Variants in PDE1C observed in about 807,000 individuals in gnomAD.
PDE1C encodes the protein phosphodiesterase 1C.
In PDE1C, 62 loss-of-function variants were observed where a neutral mutation model predicts 93.1. That is an observed-to-expected ratio of 0.67 (90% CI 0.54 to 0.82). PDE1C has a LOEUF of 0.82. Among genes scored for constraint, PDE1C ranks in the 40% least tolerant of loss-of-function variants. The pLI is 0.00. For synonymous variants in PDE1C, 325 were observed against 310.1 expected (o/e 1.05, Z -0.50); for missense variants, 742 against 884.6 (o/e 0.84, Z 2.04).
At chr7:31,942,055 TA>T (rs1193106032) in intron 2 of PDE1C, among the ~76,000 whole-genome samples, 1 of 152,154 alleles carries the variant, frequency 6.6e-6, no homozygotes, top group African/African-American at 2.4e-5. Flanking sequence ...CTCACATGAA[TA>T]TATGGAGGAA....
chr7:32,327,878 G>A (rs1454244509), intron 1 of PDE1C, among the ~76,000 whole-genome samples: 1 of 150,988 alleles, frequency 6.6e-6, no homozygotes, highest in South Asian at 2.1e-4. Context: ...TTTGCACATA[G>A]ACATAGTTCC....
chr7:31,681,599 C>T, the PDE1C span, among the ~76,000 whole-genome samples: 1 of 152,140 alleles, frequency 6.6e-6, no homozygotes, highest in Non-Finnish European at 1.5e-5. Context: ...TGTGATTTTT[C>T]TGCGTCTGTC....
At chr7:32,366,844 G>A (rs1277261551) in intron 1 of PDE1C, among the ~76,000 whole-genome samples, 1 of 142,260 alleles carries the variant, frequency 7.0e-6, no homozygotes, top group East Asian at 2.1e-4. Flanking sequence ...CTAACATGGT[G>A]AAACCCCGTC....
chr7:32,381,293 T>C (rs952752762), intron 1 of PDE1C, among the ~76,000 whole-genome samples: 1 of 151,930 alleles, frequency 6.6e-6, no homozygotes, highest in Non-Finnish European at 1.5e-5. Flanking sequence ...CCCGTTTCCC[T>C]TACCTGAAAT....
chr7:32,157,503 A>G (rs1801649176), intron 3 of PDE1C, among the ~76,000 whole-genome samples: 1 of 150,414 alleles, frequency 6.6e-6, no homozygotes, highest in Non-Finnish European at 1.5e-5. Flanking sequence ...AACCTAAAGA[A>G]CCATGACAAC....
upstream of PDE1C, among the ~76,000 whole-genome samples, chr7:32,302,892 G>A (rs772267649): frequency 1.3e-5 from 2 of 152,050 alleles, no homozygotes; most frequent in Non-Finnish European, 2.9e-5. Flanking sequence ...GGCCCAAGTT[G>A]CCCCAATAAG....
the PDE1C span, among the ~76,000 whole-genome samples, chr7:31,621,916 C>A: frequency 2.0e-5 from 3 of 151,110 alleles, no homozygotes; most frequent in South Asian, 2.1e-4. Context: ...GAAGATCTAC[C>A]AAGCCAATGG....
At position 31,775,658 on chromosome 7, in the gene PDE1C, A is replaced by G. The variant is rs1326196547; in HGVS notation, c.1960+6T>C. ...CTAAGATAATGGTGCAATGCTGTTT[A>G]CCCACCTGGCAACGTAAGGCGACAC... On this transcript the variant is annotated splice_donor_region_variant and intron_variant, in intron 17 of 17. Transcript: ENST00000396191. 3.7e-6 allele frequency: 6 copies of G among 1,611,616 alleles called. No homozygotes were observed. The highest frequency in any genetic ancestry group is 5.1e-6 in the Non-Finnish European group (6 of 1,178,960).
In PDE1C at chr7:32,180,017, G is replaced by A. The variant is rs145444238; in HGVS notation, c.137-10061C>T. On this transcript the variant is annotated intron_variant, in intron 2 of 18. Coordinates refer to the PDE1C transcript ENST00000396193. ...AATAAAACTCCTAAAATTCTCAGTG[G>A]GTAGGAAATTTGGGGCTGGGATACA... 9.9e-5 allele frequency among the ~76,000 whole-genome samples: 15 copies of A among 152,178 alleles called. 1 individual carries two copies. Among genetic ancestry groups the A allele is most frequent in the South Asian group, 2.1e-4 (1 of 4,812 alleles).
At chr7:32,155,361 T>A (rs1488140220) in intron 3 of PDE1C, among the ~76,000 whole-genome samples, 1 of 152,248 alleles carries the variant, frequency 6.6e-6, no homozygotes, top group Non-Finnish European at 1.5e-5. Flanking sequence ...TTCAACGGCT[T>A]AACACATAGA....
At chr7:31,631,650 C>T in the PDE1C span, among the ~76,000 whole-genome samples, 5 of 152,108 alleles carry the variant, frequency 3.3e-5, no homozygotes, top group Admixed American at 2.0e-4. Context: ...AAAGGGACTG[C>T]TAGACCTGGA....
At chr7:32,275,657 A>G (rs1811233289) in intron 1 of PDE1C, among the ~76,000 whole-genome samples, 1 of 150,720 alleles carries the variant, frequency 6.6e-6, no homozygotes, top group African/African-American at 2.4e-5. Flanking sequence ...AAAAAATAAA[A>G]CCAAAAAAAA....
At chr7:32,349,684 C>T (rs1478638847) in intron 1 of PDE1C, among the ~76,000 whole-genome samples, 1 of 151,906 alleles carries the variant, frequency 6.6e-6, no homozygotes, top group Non-Finnish European at 1.5e-5. Context: ...CTGGAGTGTG[C>T]AATGGCACAA....
intron 7 of PDE1C, among the ~76,000 whole-genome samples, chr7:31,862,900 C>A (rs1200428415): frequency 4.6e-5 from 7 of 152,102 alleles, no homozygotes; most frequent in African/African-American, 1.7e-4. Flanking sequence ...ATTGTAATAT[C>A]TAAGAGAGTA....
chr7:31,908,227 T>C (rs890094911), intron 2 of PDE1C, among the ~76,000 whole-genome samples: 1 of 152,172 alleles, frequency 6.6e-6, no homozygotes, highest in African/African-American at 2.4e-5. Context: ...AACTAGAAAT[T>C]GTTCTTTTGA....
intron 3 of PDE1C, among the ~76,000 whole-genome samples, chr7:32,118,140 T>A (rs766950282): frequency 4.3e-4 from 66 of 152,082 alleles, no homozygotes; most frequent in Non-Finnish European, 9.6e-4. Context: ...GAGTGGAGGG[T>A]TACATGGCAT....
intron 1 of PDE1C, among the ~76,000 whole-genome samples, chr7:32,343,732 A>G (rs1489817261): frequency 6.6e-6 from 1 of 152,176 alleles, no homozygotes; most frequent in African/African-American, 2.4e-5. Flanking sequence ...TAATTTCCCA[A>G]TCTCTATTTT....
chr7:32,076,762 G>T (rs1796381486), intron 3 of PDE1C, among the ~76,000 whole-genome samples: 1 of 151,944 alleles, frequency 6.6e-6, no homozygotes, highest in Non-Finnish European at 1.5e-5. Context: ...TGAGCCCCCT[G>T]ATCCTGCTAT....
chr7:31,628,235 G>A, the PDE1C span, among the ~76,000 whole-genome samples: 6 of 152,224 alleles, frequency 3.9e-5, no homozygotes, highest in East Asian at 9.7e-4. Context: ...ACTCCTACCG[G>A]TGCCTCCCAT....
Sources: allele counts gnomAD v4.1 joint callset (sites outside exome capture counted in the v4.1 genomes callset), GRCh38; gene constraint gnomAD v4.1.1; transcripts MANE v1.5; gene names NCBI Gene and HGNC (gene_info 2026-07-23, HGNC 2026-07-21).